Variants in FAM47E observed in about 807,000 individuals in gnomAD.
The protein encoded by FAM47E is protein FAM47E.
In FAM47E, 32 loss-of-function variants were observed where a neutral mutation model predicts 41.6. That is an observed-to-expected ratio of 0.77 (90% CI 0.58 to 1.03). The LOEUF (loss-of-function observed/expected upper bound fraction) is 1.03, where lower values mean the gene tolerates loss of function less well. FAM47E is among the 50% of genes least tolerant of loss of function. The pLI, the probability that FAM47E is intolerant of heterozygous loss-of-function variation, is 0.00. For synonymous variants in FAM47E, 184 were observed against 188.7 expected, an observed-to-expected ratio of 0.98 and a Z score of 0.20; for missense variants, 424 against 485.4, an observed-to-expected ratio of 0.87 and a Z score of 1.19.
At chr4:76,270,916 A>G (rs986728147) in intron 4 of FAM47E, among the ~76,000 whole-genome samples, 3 of 151,804 alleles carry the variant, frequency 2.0e-5, no homozygotes, top group African/African-American at 7.3e-5. Flanking sequence ...TATGTCCCTG[A>G]TTCTGTTTCA....
chr4:76,280,062 C>G, intron 6 of FAM47E: 1 of 429,374 alleles, frequency 2.3e-6, no homozygotes, highest in Admixed American at 4.1e-5. Flanking sequence ...AAGGAAAAGG[C>G]TAGGGGAAGG....
chr4:76,270,340 C>T (rs558447348), intron 4 of FAM47E, among the ~76,000 whole-genome samples: 36 of 152,306 alleles, frequency 2.4e-4, no homozygotes, highest in African/African-American at 7.7e-4. Context: ...ACTTGGGGCA[C>T]ATGCTTTTGC....
rs542166397 is a variant in FAM47E, at chr4:76,225,018, C to A, written c.81+7330C>A. On this transcript the variant is annotated intron_variant, in intron 2 of 7. Transcript: ENST00000510197. ...ATATGCATCCTCATAGCTTAGCTCCCACTTGTGAGAAGATACAATGTTTGG... is the reference window on the plus strand; with the variant it reads ...ATATGCATCCTCATAGCTTAGCTCCAACTTGTGAGAAGATACAATGTTTGG... Among the ~76,000 whole-genome samples the A allele has an allele frequency of 8.0e-4, 122 of 152,090 alleles. 1 individual carries two copies. The highest frequency in any genetic ancestry group is 2.1e-4 in the Non-Finnish European group (14 of 68,032).
intron 4 of FAM47E, chr4:76,269,643 A>AATAAATAG (rs71212411): frequency 1.3e-5 from 2 of 151,658 alleles, no homozygotes; most frequent in African/African-American, 2.4e-5. Flanking sequence ...TAAATAAATA[A>AATAAATAG]AAATTAGCTG....
chr4:76,218,764 T>TA (rs1231739859), intron 2 of FAM47E, among the ~76,000 whole-genome samples: 1 of 152,212 alleles, frequency 6.6e-6, no homozygotes, highest in African/African-American at 2.4e-5. Context: ...TAGTGTTGTC[T>TA]AACTAATAGA....
rs116025637 is a variant in FAM47E, at chr4:76,264,056, C to T, written c.560+213C>T. ...TATCCAGCGACGACGCAGACACAGG[C>T]GTCTATAAGGAAATTCCAGAGAGAG... On this transcript the variant is annotated intron_variant, in intron 3 of 7. Transcript: ENST00000424749. Among the ~76,000 whole-genome samples the T allele has an allele frequency of 7.4e-3, 1,132 of 152,242 alleles. 12 individuals carry two copies. The highest frequency in any genetic ancestry group is 0.025 in the African/African-American group (1,056 of 41,540).
chr4:76,224,937 A>AT (rs1271530887), intron 2 of FAM47E, among the ~76,000 whole-genome samples: 2 of 151,990 alleles, frequency 1.3e-5, no homozygotes, highest in Non-Finnish European at 2.9e-5. Flanking sequence ...AGAGTCCATT[A>AT]TATCATTCTT....
At chr4:76,235,550 A>C (rs1164834245) in intron 2 of FAM47E, among the ~76,000 whole-genome samples, 2 of 152,172 alleles carry the variant, frequency 1.3e-5, no homozygotes, top group African/African-American at 4.8e-5. Flanking sequence ...AAAAACCTGG[A>C]AAAATCTCAG....
intron 1 of FAM47E, among the ~76,000 whole-genome samples, chr4:76,253,625 C>T (rs1401728718): frequency 6.6e-6 from 1 of 151,940 alleles, no homozygotes; most frequent in African/African-American, 2.4e-5. Context: ...CCTCTTGGAA[C>T]TTAGTTTCCT....
At chr4:76,258,270 GA>G in intron 2 of FAM47E, among the ~76,000 whole-genome samples, 1 of 152,294 alleles carries the variant, frequency 6.6e-6, no homozygotes, top group South Asian at 2.1e-4. Flanking sequence ...CTTTTTGCAT[GA>G]TCCCAGAAAA....
intron 4 of FAM47E, among the ~76,000 whole-genome samples, chr4:76,270,274 A>G (rs374185078): frequency 1.3e-5 from 2 of 152,358 alleles, no homozygotes; most frequent in African/African-American, 4.8e-5. Flanking sequence ...CCTAAGTGTG[A>G]AGACAGCAAA....
chr4:76,255,497 C>T (rs1000346317), intron 1 of FAM47E, among the ~76,000 whole-genome samples: 5 of 152,154 alleles, frequency 3.3e-5, no homozygotes, highest in Non-Finnish European at 7.3e-5. Flanking sequence ...CCATGGACAG[C>T]CATTTTGCAG....
chr4:76,271,219 C>T (rs377129486), intron 4 of FAM47E, among the ~76,000 whole-genome samples: 8 of 152,212 alleles, frequency 5.3e-5, no homozygotes, highest in African/African-American at 1.9e-4. Flanking sequence ...TGGCAGCTTC[C>T]ATTATACAGA....
intron 2 of FAM47E, among the ~76,000 whole-genome samples, chr4:76,220,719 C>G (rs891081421): frequency 2.0e-5 from 3 of 152,202 alleles, no homozygotes; most frequent in Non-Finnish European, 4.4e-5. Context: ...AATGGTCCCT[C>G]TTAGAATATG....
intron 2 of FAM47E, among the ~76,000 whole-genome samples, chr4:76,223,973 T>C (rs1578750443): frequency 6.6e-6 from 1 of 152,176 alleles, no homozygotes. Context: ...CAGGTTCTGA[T>C]GATGTTGGGG....
At chr4:76,240,173 T>A (rs190438316) in intron 2 of FAM47E, among the ~76,000 whole-genome samples, 212 of 152,326 alleles carry the variant, frequency 1.4e-3, no homozygotes, top group African/African-American at 4.8e-3. Context: ...ATTTGCTGGA[T>A]ATAGGATTCT....
chr4:76,214,087 A>G (rs1431649867), exon 1 of FAM47E: 4 of 356,364 alleles, frequency 1.1e-5, no homozygotes, highest in Non-Finnish European at 2.2e-5. Context: ...AAATTGCCGA[A>G]CCTGGTTCAC....
intron 2 of FAM47E, among the ~76,000 whole-genome samples, chr4:76,224,684 T>C (rs1456888813): frequency 6.6e-6 from 1 of 152,214 alleles, no homozygotes; most frequent in East Asian, 1.9e-4. Flanking sequence ...CAGGTCAGTC[T>C]TCCAAGTAAC....
intron 1 of FAM47E, among the ~76,000 whole-genome samples, chr4:76,253,454 T>C (rs1218725504): frequency 6.6e-6 from 1 of 152,216 alleles, no homozygotes. Flanking sequence ...CTAGTGTCTG[T>C]GAAAACAGTA....
Sources: allele counts gnomAD v4.1 joint callset (sites outside exome capture counted in the v4.1 genomes callset), GRCh38; gene constraint gnomAD v4.1.1; transcripts MANE v1.5; gene names NCBI Gene and HGNC (gene_info 2026-07-23, HGNC 2026-07-21).